The following MYH6 variants were observed in gnomAD, a reference collection of about 807,000 sequenced individuals.
The protein encoded by MYH6 is myosin heavy chain 6, also known as myosin-6.
MYH6 carries 126 observed loss-of-function variants against 223.2 expected under a neutral mutation model. The observed-to-expected ratio is 0.56, with a 90% CI of 0.49 to 0.65. The LOEUF (loss-of-function observed/expected upper bound fraction) is 0.65, where lower values mean the gene tolerates loss of function less well. Among genes scored for constraint, MYH6 ranks in the 30% least tolerant of loss-of-function variants. MYH6 has a pLI of 0.00. For missense variants in MYH6, 2,040 were observed against 2,536.4 expected (o/e 0.80, Z 4.20); for synonymous variants, 978 against 1,010.2 (o/e 0.97, Z 0.61).
At chr14:23,385,125 G>A (rs1890981680) in intron 34 of MYH6, 84 bp from the exon 35 acceptor site, 3 of 1,579,424 alleles carry the variant, frequency 1.9e-6, no homozygotes, top group Admixed American at 1.7e-5. Flanking sequence ...AAGAATTAAA[G>A]GTGGTCATTT....
rs532535869 is a variant in MYH6, at chr14:23,402,866, A to C, written c.899-66T>G. 109 of 420,996 alleles carry C rather than the reference A, an allele frequency of 2.6e-4. 1 individual carries two copies. The African/African-American group carries it at 2.7e-3, about 10-fold the overall frequency. The allele number at this position is 420,996 out of a possible 1,614,324, so 26.1% of individuals were successfully genotyped here. ...CGGAGGGCAGGGAAGGGGCAGGTAG[A>C]GTTGGGAAAGGGAGGGAGGGGCAGG... On this transcript the variant is annotated intron_variant, in intron 10 of 38. Transcript: ENST00000405093.
intron 9 of MYH6, 116 bp downstream of exon 9, chr14:23,403,599 C>A: frequency 8.2e-7 from 1 of 1,216,274 alleles, no homozygotes; most frequent in Middle Eastern, 2.0e-4. Flanking sequence ...GATCCTAAAG[C>A]CCAGAGGCAA....
In MYH6 at chr14:23,396,114, A is replaced by G. The variant is rs75802093; in HGVS notation, c.2429+170T>C. On this transcript the variant is annotated intron_variant, in intron 20 of 38. Coordinates refer to ENST00000405093, the MANE Select transcript of MYH6 (RefSeq NM_002471.4). ...TAGAGAAGTTTCTTTAAAAAAAAAA[A>G]AAGAAGAAGAAGAAGAAGAAGAAGA... Among the ~76,000 whole-genome samples, 759 of 144,734 alleles carry G rather than the reference A, an allele frequency of 5.2e-3. 6 individuals carry two copies. Among genetic ancestry groups the G allele is most frequent in the African/African-American group, 0.018 (708 of 40,322 alleles). The allele number at this position is 144,734 out of a possible 152,430, so 95.0% of individuals were successfully genotyped here. A position where few individuals can be genotyped will look rare whatever the true frequency, so the allele number is the denominator to read the frequency against.
chr14:23,397,940 C>CTTCTTCTTT (rs1891458201), intron 15 of MYH6, among the ~76,000 whole-genome samples: 2 of 53,192 alleles, frequency 3.8e-5, no homozygotes, highest in Non-Finnish European at 7.5e-5. Flanking sequence ...TCCTCTTCTT[C>CTTCTTCTTT]TTCTTCTTCT....
chr14:23,399,435 C>T (rs1299419974), intron 14 of MYH6, among the ~76,000 whole-genome samples: 1 of 152,186 alleles, frequency 6.6e-6, no homozygotes, highest in Admixed American at 6.5e-5. Context: ...TAGAAGGATC[C>T]AGGTTCTTTA....
At position 23,396,969 on chromosome 14, in the gene MYH6, C is replaced by G; in HGVS notation, c.2162G>C (p.Arg721Pro). The G allele has an allele frequency of 6.2e-7, 1 of 1,612,790 alleles. No individual in the cohort carries two copies. Residue 721 changes from arginine (R) to proline (P), a missense_variant, in exon 18 of 39, where the codon CGG becomes CCG. Around this residue, in one of 4 missense-constraint regions of MYH6, gnomAD observed 649 missense variants for 877.3 expected, o/e 0.74. Coordinates refer to ENST00000405093, the MANE Select transcript of MYH6 (RefSeq NM_002471.4). ...FPNRILYGDF[R>P]QRYRILNPVA... is the part of the protein sequence containing the mutation. The stretch of plus-strand genomic sequence containing the variant: ...GGGGCACCCTCATACCCACCTCTGC[C>G]GGAAGTCCCCGTAGAGGATGCGGTT...
chr14:23,407,479 C>A lies in MYH6; in HGVS notation c.-14+97G>T, dbSNP rs1031024698. On this transcript the variant is annotated intron_variant, in intron 2 of 38. Transcript: ENST00000405093. The surrounding 1 kb of genome is among the most constrained non-coding windows in gnomAD (Gnocchi z 5.6). ...TTGGCTGGAGTATGCTAAGGGTTGG[C>A]GCTGAGTGCTTGGGACAGCAGACCC... 1 of 1,292,098 alleles carries A rather than the reference C, an allele frequency of 7.7e-7. No individual in the cohort carries two copies. Among genetic ancestry groups the A allele is most frequent in the Non-Finnish European group, 1.0e-6 (1 of 984,118 alleles). The allele number at this position is 1,292,098 out of a possible 1,614,324, so 80.0% of individuals were successfully genotyped here. A position where few individuals can be genotyped will look rare whatever the true frequency, so the allele number is the denominator to read the frequency against.
chr14:23,405,489 C>T lies in MYH6; in HGVS notation c.346-110G>A. On this transcript the variant is annotated intron_variant, in intron 4 of 38. Transcript: ENST00000405093. This position sits in a 1 kb window ranked among gnomAD's most constrained non-coding sequence, Gnocchi z 4.7. ...ACTCCAGCTGGCTCTACTCCTCCTGCAGCTGACTAGGGGTGGAGGGGGGAA... is the reference window on the plus strand; with the variant it reads ...ACTCCAGCTGGCTCTACTCCTCCTGTAGCTGACTAGGGGTGGAGGGGGGAA... 4 of 1,598,336 alleles carry T rather than the reference C, an allele frequency of 2.5e-6. No homozygotes were observed. Among genetic ancestry groups the T allele is most frequent in the South Asian group, 1.1e-5 (1 of 90,462 alleles).
rs747494958 is a variant in MYH6, at chr14:23,386,451, C to T, written c.4823G>A (p.Arg1608His). ...SLQTSLDAET[R>H]SRNEVLRVKK... Reference sequence around the variant, plus strand: ...CACCCTCAGGACCTCGTTGCGGCTGCGTGTCTCTGCATCCAGGGAGGTCTG... The same window carrying T: ...CACCCTCAGGACCTCGTTGCGGCTGTGTGTCTCTGCATCCAGGGAGGTCTG... The change falls in exon 33 of 39, where the codon CGC becomes CAC. Residue 1608 changes from arginine (R) to histidine (H), a missense_variant. Arg to His is a conservative substitution (Grantham distance 29). Around this residue, in one of 4 missense-constraint regions of MYH6, gnomAD observed 1,203 missense variants for 1,400.2 expected, o/e 0.86. Coordinates refer to ENST00000405093, the MANE Select transcript of MYH6 (RefSeq NM_002471.4). 29 of 1,614,184 alleles carry T rather than the reference C, an allele frequency of 1.8e-5. No homozygotes were observed. The highest frequency in any genetic ancestry group is 3.3e-5 in the Admixed American group (2 of 60,024).
intron 38 of MYH6, 56 bp from the exon 39 acceptor site, chr14:23,382,119 G>A (rs1595045782): frequency 6.6e-7 from 1 of 1,516,016 alleles, no homozygotes. Flanking sequence ...GAAGTGTGTG[G>A]GGACAAATCC....
chr14:23,383,339 G>GGCC lies in MYH6; in HGVS notation c.5566-20_5566-19insGGC. The GGCC allele has an allele frequency of 9.2e-6, 1 of 108,202 alleles. No homozygotes were observed. The highest frequency in any genetic ancestry group is 1.8e-5 in the Non-Finnish European group (1 of 54,384). The allele number at this position is 108,202 out of a possible 1,614,324, so 6.7% of individuals were successfully genotyped here. Reference sequence around the variant, plus strand: ...CCTCTGTCTGGGGGTGGGAGGGTGGGAGAAGCTGGTTTGGAGGGGGAGCAA... The same window carrying GGCC: ...CCTCTGTCTGGGGGTGGGAGGGTGGGGCCAGAAGCTGGTTTGGAGGGGGAGCAA... On this transcript the variant is annotated intron_variant, in intron 36 of 38. Coordinates refer to ENST00000405093, the MANE Select transcript of MYH6 (RefSeq NM_002471.4).
Position 23,397,243 on chromosome 14 carries a change from C to T in MYH6, c.1977G>A (p.Lys659=). 1 of 1,614,174 alleles carries T rather than the reference C, an allele frequency of 6.2e-7. No individual in the cohort carries two copies. The change falls in exon 17 of 39, where the codon AAG becomes AAA. Residue 659 remains lysine, a synonymous_variant. Coordinates refer to ENST00000405093, the MANE Select transcript of MYH6 (RefSeq NM_002471.4). ...GGGTGGTCCTCAGGTTGGTCATTAG[C>T]TTGTTGAGATTTTCCTGGAGGCAGA... ...VSALHRENLN[K]LMTNLRTTHP... is the part of the protein sequence containing the mutation.
chr14:23,392,568 T>TTC lies in MYH6; in HGVS notation c.3334_3335dup (p.Asn1113LysfsTer54), dbSNP rs1346062941. On this transcript the variant is annotated frameshift_variant, in exon 25 of 39. Transcript: ENST00000405093. LOFTEE classifies it high-confidence loss of function. Reference sequence around the variant, plus strand: ...CACTGGGAAAAAAAGTCACCTGGTTTTCCTTCAGTTTCTTCTGTAGTTGAA... The same window carrying TTC: ...CACTGGGAAAAAAAGTCACCTGGTTTTCTCCTTCAGTTTCTTCTGTAGTTGAA... The TTC allele has an allele frequency of 5.0e-6, 8 of 1,612,018 alleles. No individual in the cohort carries two copies. The highest frequency in any genetic ancestry group is 1.7e-5 in the Admixed American group (1 of 59,976).
Position 23,382,489 on chromosome 14 carries a change from G to A in MYH6, c.5735C>T (p.Ala1912Val), listed in dbSNP as rs373076710. The change falls in exon 38 of 39, where the codon GCG becomes GTG. Residue 1912 changes from alanine to valine, a missense_variant. Transcript: ENST00000405093. Reference sequence around the variant, plus strand: ...GTTGACCTGGGACTCAGCGATGTCCGCCCGCTCCTCTGCCTCATCCAGCTC... The same window carrying A: ...GTTGACCTGGGACTCAGCGATGTCCACCCGCTCCTCTGCCTCATCCAGCTC... ...QHELDEAEERADIAESQVNKL... is the reference protein window; with the variant it reads ...QHELDEAEERVDIAESQVNKL... 13 of 1,614,030 alleles carry A rather than the reference G, an allele frequency of 8.1e-6. No homozygotes were observed. Among genetic ancestry groups the A allele is most frequent in the African/African-American group, 8.0e-5 (6 of 74,896 alleles).
chr14:23,388,104 C>A (rs368417916), intron 30 of MYH6, 51 bp downstream of exon 30: 2 of 1,611,966 alleles, frequency 1.2e-6, no homozygotes, highest in Non-Finnish European at 1.7e-6. Flanking sequence ...CACTGAACCC[C>A]TCATGCCCCC....
Position 23,390,071 on chromosome 14 carries a change from T to A in MYH6, c.3718A>T (p.Ile1240Phe). The A allele has an allele frequency of 6.2e-7, 1 of 1,613,220 alleles. No homozygotes were observed. Among genetic ancestry groups the A allele is most frequent in the East Asian group, 2.2e-5 (1 of 44,868 alleles). The change falls in exon 26 of 39, where the codon ATC (isoleucine) becomes TTC (phenylalanine). Residue 1240 changes from isoleucine (I) to phenylalanine (F), a missense_variant. Ile to Phe is a conservative substitution (Grantham distance 21). Coordinates refer to ENST00000405093, the MANE Select transcript of MYH6 (RefSeq NM_002471.4). ...GCAGAGCCTGCCTTGGCCTTGATGA[T>A]CTGCTCCATGTTGGAGGTGACGTCA... is the stretch of plus-strand genomic sequence containing the variant. ...LDDVTSNMEQ[I>F]IKAKANLEKV...
At chr14:23,393,563 C>G in intron 22 of MYH6, 45 bp from the exon 23 acceptor site, 1 of 1,613,974 alleles carries the variant, frequency 6.2e-7, no homozygotes, top group Non-Finnish European at 8.5e-7. Context: ...AGATCACCAG[C>G]CTGGAGACAT....
At chr14:23,382,162 T>C in intron 38 of MYH6, 99 bp from the exon 39 acceptor site, 1 of 1,279,162 alleles carries the variant, frequency 7.8e-7, no homozygotes, top group Middle Eastern at 2.0e-4. Context: ...GGAGATGCCC[T>C]TGGAGGGAGA....
At position 23,393,507 on chromosome 14, in the gene MYH6, T is replaced by C; in HGVS notation, c.2940A>G (p.Leu980=). 1 of 1,614,070 alleles carries C rather than the reference T, an allele frequency of 6.2e-7. No homozygotes were observed. The highest frequency in any genetic ancestry group is 8.5e-7 in the Non-Finnish European group (1 of 1,180,018). Residue 980 remains leucine, a synonymous_variant, in exon 23 of 39, where the codon CTA becomes CTG. Transcript: ENST00000405093. ...CATCCAGCCCAGCCATCTCCTCTGTTAGGTTCTTCACCTGCCGACCAAAAA... is the reference window on the plus strand; with the variant it reads ...CATCCAGCCCAGCCATCTCCTCTGTCAGGTTCTTCACCTGCCGACCAAAAA... ...KHATENKVKN[L]TEEMAGLDEI...
Sources: gnomAD v4.1 joint callset for allele counts (sites outside exome capture counted in the v4.1 genomes callset) on GRCh38, gnomAD v4.1.1 for gene constraint, gnomAD v4.1.1 regional missense constraint, Gnocchi (gnomAD v3.1) non-coding constraint, MANE v1.5 for transcripts, NCBI Gene and HGNC (gene_info 2026-07-23, HGNC 2026-07-21) for gene names.